Variants in CAMSAP1 observed in about 807,000 individuals in gnomAD.
CAMSAP1 encodes calmodulin-regulated spectrin-associated protein 1.
A neutral mutation model predicts 143.5 loss-of-function variants in CAMSAP1; 58 were observed. The ratio of observed to expected loss-of-function variants is 0.40; its 90% CI spans 0.33 to 0.50. CAMSAP1 has a LOEUF of 0.50. Ranked by LOEUF, CAMSAP1 falls within the 20% of genes least tolerant of loss-of-function variation. The probability of loss-of-function intolerance (pLI) is 0.45; values close to 1 mark genes in which losing one functional copy is unlikely to be tolerated. For synonymous variants in CAMSAP1, 945 were observed against 859.3 expected (o/e 1.10, Z -1.74); for missense variants, 1,969 against 2,115.7 (o/e 0.93, Z 1.36).
intron 14 of CAMSAP1, among the ~76,000 whole-genome samples, chr9:135,816,321 A>C (rs730399): frequency 6.6e-6 from 1 of 152,052 alleles, no homozygotes; most frequent in African/African-American, 2.4e-5. Flanking sequence ...GGCACAGCAC[A>C]GGGCACAGTG....
intron 3 of CAMSAP1, among the ~76,000 whole-genome samples, chr9:135,881,429 C>G (rs1213255323): frequency 6.6e-6 from 1 of 152,066 alleles, no homozygotes; most frequent in South Asian, 2.1e-4. Context: ...AAATTCATCA[C>G]CCTCTACTCT....
intron 7 of CAMSAP1, among the ~76,000 whole-genome samples, chr9:135,847,952 GGGA>G (rs1836634652): frequency 3.8e-5 from 1 of 26,086 alleles, no homozygotes; most frequent in Non-Finnish European, 8.0e-5. Flanking sequence ...GGAGTGGGGG[GGGA>G]GGGGGAGGAG....
In CAMSAP1 at chr9:135,820,082, G is replaced by A. The variant is rs76376347; in HGVS notation, c.3822+757C>T. On this transcript the variant is annotated intron_variant, in intron 11 of 16. Coordinates refer to ENST00000389532, the MANE Select transcript of CAMSAP1 (RefSeq NM_015447.4). The surrounding 1 kb of genome is among the most constrained non-coding windows in gnomAD (Gnocchi z 4.4). Reference sequence around the variant, plus strand: ...GACTCTGCTGCTGTGTGAGCATGACGGAGTGTGCGCACACCTGGATGGCAG... The same window carrying A: ...GACTCTGCTGCTGTGTGAGCATGACAGAGTGTGCGCACACCTGGATGGCAG... Among the ~76,000 whole-genome samples the A allele has an allele frequency of 0.025, 3,874 of 152,262 alleles. 184 individuals carry two copies. Among genetic ancestry groups the A allele is most frequent in the African/African-American group, 0.089 (3,687 of 41,532 alleles).
intron 3 of CAMSAP1, among the ~76,000 whole-genome samples, chr9:135,869,843 A>G (rs2130952729): frequency 6.6e-6 from 1 of 152,374 alleles, no homozygotes. Context: ...AATATTATTC[A>G]GGCATAAAAA....
intron 3 of CAMSAP1, among the ~76,000 whole-genome samples, chr9:135,873,393 C>CG (rs1347871604): frequency 1.1e-4 from 16 of 152,090 alleles, no homozygotes; most frequent in Non-Finnish European, 2.2e-4. Flanking sequence ...CAATAACTAA[C>CG]TCCCCCCTTA....
At chr9:135,857,754 G>A (rs1182925613) in intron 5 of CAMSAP1, among the ~76,000 whole-genome samples, 1 of 152,134 alleles carries the variant, frequency 6.6e-6, no homozygotes, top group African/African-American at 2.4e-5. Context: ...GTTGCATGTG[G>A]GGCAGGTCTG....
chr9:135,867,387 A>G (rs954694884), intron 3 of CAMSAP1, among the ~76,000 whole-genome samples: 2 of 152,126 alleles, frequency 1.3e-5, no homozygotes, highest in Non-Finnish European at 2.9e-5. Flanking sequence ...GCTCACACGT[A>G]TCATCCCAGC....
At chr9:135,830,636 A>G (rs1209600079) in intron 7 of CAMSAP1, among the ~76,000 whole-genome samples, 2 of 152,224 alleles carry the variant, frequency 1.3e-5, no homozygotes, top group African/African-American at 4.8e-5. Flanking sequence ...CAGACAGGAT[A>G]TTTAACAGTA....
chr9:135,814,020 G>A (rs757731548), intron 16 of CAMSAP1, among the ~76,000 whole-genome samples: 4 of 152,198 alleles, frequency 2.6e-5, no homozygotes, highest in Non-Finnish European at 4.4e-5. Context: ...TAAGCCCTGG[G>A]TCGACTCCAC....
intron 3 of CAMSAP1, among the ~76,000 whole-genome samples, chr9:135,868,609 ATT>A (rs767495608): frequency 0.025 from 2,364 of 92,998 alleles, 12 homozygotes; most frequent in Non-Finnish European, 0.034. Context: ...GAGATTGGCA[ATT>A]TTTTTTTTTT....
intron 1 of CAMSAP1, among the ~76,000 whole-genome samples, chr9:135,891,037 G>A (rs1396849154): frequency 6.6e-6 from 1 of 152,188 alleles, no homozygotes; most frequent in African/African-American, 2.4e-5. Flanking sequence ...CCCAAAACAG[G>A]GGACTCCTCA....
intron 3 of CAMSAP1, among the ~76,000 whole-genome samples, chr9:135,876,506 ATCC>A (rs1433468036): frequency 6.6e-6 from 1 of 152,236 alleles, no homozygotes; most frequent in Non-Finnish European, 1.5e-5. Flanking sequence ...ACAGTTACAC[ATCC>A]ACTCAAATGG....
At chr9:135,885,467 G>A (rs1249626210) in intron 1 of CAMSAP1, among the ~76,000 whole-genome samples, 2 of 152,182 alleles carry the variant, frequency 1.3e-5, no homozygotes, top group African/African-American at 2.4e-5. Flanking sequence ...TCAGAGTGAT[G>A]GCTCTGTGCA....
chr9:135,816,079 G>T, intron 14 of CAMSAP1, 74 bp from the exon 15 acceptor site: 1 of 1,391,800 alleles, frequency 7.2e-7, no homozygotes, highest in Non-Finnish European at 1.0e-6. Flanking sequence ...CAAGGGGCTG[G>T]CCCGCAACCA....
intron 3 of CAMSAP1, among the ~76,000 whole-genome samples, chr9:135,868,609 A>ATTTTTTTTTTTTTTT (rs767495608): frequency 2.1e-5 from 2 of 93,476 alleles, no homozygotes; most frequent in African/African-American, 4.6e-5. Context: ...GAGATTGGCA[A>ATTTTTTTTTTTTTTT]TTTTTTTTTT....
chr9:135,892,173 CA>C (rs1838310330), intron 1 of CAMSAP1, among the ~76,000 whole-genome samples: 1 of 152,110 alleles, frequency 6.6e-6, no homozygotes, highest in African/African-American at 2.4e-5. Context: ...TAGAAAACCC[CA>C]AACAGAATAA....
intron 5 of CAMSAP1, among the ~76,000 whole-genome samples, chr9:135,860,802 T>A (rs1837161535): frequency 6.6e-6 from 1 of 152,036 alleles, no homozygotes; most frequent in African/African-American, 2.4e-5. Context: ...CCCTGCGTGG[T>A]TTCTGATTTT....
chr9:135,834,621 T>C (rs919062259), intron 7 of CAMSAP1, among the ~76,000 whole-genome samples: 2 of 152,184 alleles, frequency 1.3e-5, no homozygotes, highest in African/African-American at 4.8e-5. Context: ...GAGAAGTGTT[T>C]GCCAGGGGCT....
intron 7 of CAMSAP1, among the ~76,000 whole-genome samples, chr9:135,844,494 A>G (rs1287789223): frequency 1.3e-5 from 2 of 152,220 alleles, no homozygotes; most frequent in Non-Finnish European, 1.5e-5. Context: ...CCATAACAGA[A>G]AGCTGGAAAG....
Sources: gnomAD v4.1 joint callset for allele counts (sites outside exome capture counted in the v4.1 genomes callset) on GRCh38, gnomAD v4.1.1 for gene constraint, Gnocchi (gnomAD v3.1) non-coding constraint, MANE v1.5 for transcripts, NCBI Gene and HGNC (gene_info 2026-07-23, HGNC 2026-07-21) for gene names.